Variants in SLF2 observed in about 807,000 individuals in gnomAD.
The protein encoded by SLF2 is SMC5/6 complex localization factor 2.
A neutral mutation model predicts 124.3 loss-of-function variants in SLF2; 68 were observed. The ratio of observed to expected loss-of-function variants is 0.55; its 90% CI spans 0.45 to 0.67. The LOEUF is 0.67. Among genes scored for constraint, SLF2 ranks in the 30% least tolerant of loss-of-function variants. The pLI is 0.00. For missense variants in SLF2, 1,246 were observed against 1,373.7 expected (o/e 0.91, Z 1.47); for synonymous variants, 480 against 478.8 (o/e 1.00, Z -0.03).
chr10:100,958,078 T>C (rs1266496040), intron 18 of SLF2, among the ~76,000 whole-genome samples: 2 of 152,010 alleles, frequency 1.3e-5, no homozygotes, highest in Admixed American at 6.6e-5. Context: ...TAAAACAAAA[T>C]AAAATAAACA....
intron 6 of SLF2, among the ~76,000 whole-genome samples, chr10:100,927,067 G>C (rs1849628787): frequency 7.1e-6 from 1 of 140,352 alleles, no homozygotes; most frequent in African/African-American, 2.5e-5. Context: ...GAAAGCATGG[G>C]TAGAATTTTT....
intron 19 of SLF2, among the ~76,000 whole-genome samples, chr10:100,961,310 G>A (rs561692628): frequency 1.3e-5 from 2 of 152,162 alleles, no homozygotes; most frequent in South Asian, 2.1e-4. Context: ...GCGCCTGGCT[G>A]ATATTCTGTA....
intron 4 of SLF2, among the ~76,000 whole-genome samples, chr10:100,922,177 C>T (rs927692902): frequency 2.0e-5 from 3 of 152,164 alleles, no homozygotes; most frequent in African/African-American, 4.8e-5. Context: ...TCACGGGGCT[C>T]AAGCAGTCCT....
rs1849911150 is a variant in SLF2 at position 100,938,680 on chromosome 10, T to C, written c.2598T>C (p.Phe866=). Residue 866 remains phenylalanine (F), a synonymous_variant, in exon 11 of 20, where the codon TTT becomes TTC. Transcript: ENST00000238961. ...AAVFFNMGID[F]RSLFPLENLQ... ...TGTTTTTCAATATGGGGATTGATTT[T>C]AGATCTTTGTTTCCCCTGGAGAATC... 6.2e-7 allele frequency: 1 copy of C among 1,613,682 alleles called. No homozygotes were observed. Among genetic ancestry groups the C allele is most frequent in the Non-Finnish European group, 8.5e-7 (1 of 1,179,910 alleles).
At chr10:100,937,699 C>T (rs1849893307) in intron 10 of SLF2, among the ~76,000 whole-genome samples, 1 of 152,020 alleles carries the variant, frequency 6.6e-6, no homozygotes, top group South Asian at 2.1e-4. Flanking sequence ...ACTTCCACCT[C>T]CCTGGTTCAA....
chr10:100,947,632 G>A (rs538513778), intron 14 of SLF2, 128 bp from the exon 15 acceptor site: 1 of 609,384 alleles, frequency 1.6e-6, no homozygotes, highest in Non-Finnish European at 2.9e-6. Flanking sequence ...ATATGTTCCT[G>A]TACAGACTTC....
In SLF2 at chr10:100,924,480, T is replaced by C. The variant is rs145161868; in HGVS notation, c.1479T>C (p.Asn493=). ...CTCTAGTACCATTAAATGCTAAAAA[T>C]TGTGCTCTTCCAGTTTCTAAAAAAG... ...GSSLVPLNAK[N]CALPVSKKDK... Residue 493 remains asparagine, a synonymous_variant, in exon 5 of 20, where the codon AAT becomes AAC. Coordinates refer to ENST00000238961, the MANE Select transcript of SLF2 (RefSeq NM_018121.4). 12 of 1,614,146 alleles carry C rather than the reference T, an allele frequency of 7.4e-6. No individual in the cohort carries two copies. Among genetic ancestry groups the C allele is most frequent in the Non-Finnish European group, 1.0e-5 (12 of 1,180,016 alleles).
chr10:100,915,174 T>C (rs886259336), intron 1 of SLF2, among the ~76,000 whole-genome samples: 1 of 152,172 alleles, frequency 6.6e-6, no homozygotes, highest in Admixed American at 6.5e-5. Context: ...TTCTTAAAAA[T>C]TAATTTGGTT....
intron 1 of SLF2, among the ~76,000 whole-genome samples, chr10:100,914,942 T>C (rs1414131555): frequency 2.0e-5 from 3 of 152,238 alleles, no homozygotes; most frequent in Admixed American, 6.5e-5. Flanking sequence ...TATAGCTTAT[T>C]CTCTTTCAGT....
intron 17 of SLF2, among the ~76,000 whole-genome samples, chr10:100,954,788 A>G (rs1222955156): frequency 6.6e-6 from 1 of 152,158 alleles, no homozygotes. Context: ...ACAAAAAAAC[A>G]AAAACTAGCT....
At position 100,934,852 on chromosome 10, in the gene SLF2, C is replaced by T. The variant is rs541998235; in HGVS notation, c.2437-2550C>T. 1.1e-4 allele frequency among the ~76,000 whole-genome samples: 16 copies of T among 151,276 alleles called. No individual in the cohort carries two copies. The South Asian group carries it at 3.3e-3, about 32-fold the overall frequency. Reference sequence around the variant, plus strand: ...GGCCAGGCTGCTCTCGAACTCCTGACCTCGAGTGATCTGCCTGCCTCGGCC... The same window carrying T: ...GGCCAGGCTGCTCTCGAACTCCTGATCTCGAGTGATCTGCCTGCCTCGGCC... On this transcript the variant is annotated intron_variant, in intron 9 of 19. Coordinates refer to ENST00000238961, the MANE Select transcript of SLF2 (RefSeq NM_018121.4).
In SLF2 at chr10:100,924,096, T is replaced by C; in HGVS notation, c.1095T>C (p.Pro365=). 3 of 1,613,582 alleles carry C rather than the reference T, an allele frequency of 1.9e-6. No homozygotes were observed. The highest frequency in any genetic ancestry group is 2.5e-6 in the Non-Finnish European group (3 of 1,179,896). ...KARESFLEKR[P]DGPHQKEKFI... ...GAGAGTCCTTCCTTGAGAAGCGTCC[T>C]GATGGACCACATCAGAAAGAAAAAT... Residue 365 remains proline (P), a synonymous_variant, in exon 5 of 20, where the codon CCT becomes CCC. Coordinates refer to ENST00000238961, the MANE Select transcript of SLF2 (RefSeq NM_018121.4).
chr10:100,930,430 C>CT (rs1318346594), intron 8 of SLF2, among the ~76,000 whole-genome samples: 2 of 152,170 alleles, frequency 1.3e-5, no homozygotes, highest in East Asian at 3.8e-4. Context: ...TTCCCACACA[C>CT]TAAGTTAGTT....
chr10:100,955,425 A>G (rs1426951497), intron 17 of SLF2, among the ~76,000 whole-genome samples: 1 of 152,122 alleles, frequency 6.6e-6, no homozygotes, highest in East Asian at 1.9e-4. Flanking sequence ...CAGCAGTATA[A>G]TACATTCATA....
chr10:100,945,011 C>T (rs1850075877), intron 12 of SLF2, among the ~76,000 whole-genome samples: 1 of 151,290 alleles, frequency 6.6e-6, no homozygotes, highest in Non-Finnish European at 1.5e-5. Flanking sequence ...GCCTGGGCGA[C>T]AGAGTGAGAC....
At position 100,917,310 on chromosome 10, in the gene SLF2, A is replaced by G. The variant is rs1463575356; in HGVS notation, c.915+10A>G. On this transcript the variant is annotated intron_variant, in intron 3 of 19. Coordinates refer to ENST00000238961, the MANE Select transcript of SLF2 (RefSeq NM_018121.4). ...TAATCTGTCAAATGTGGTATGTGTA[A>G]GAATTATTGAATTAGCATTGCTACT... 1 of 1,586,768 alleles carries G rather than the reference A, an allele frequency of 6.3e-7. No individual in the cohort carries two copies. Among genetic ancestry groups the G allele is most frequent in the Non-Finnish European group, 8.5e-7 (1 of 1,169,654 alleles).
Position 100,917,084 on chromosome 10 carries a change from A to G in SLF2, c.699A>G (p.Gly233=), listed in dbSNP as rs770823757. 8 of 1,614,202 alleles carry G rather than the reference A, an allele frequency of 5.0e-6. No individual in the cohort carries two copies. The highest frequency in any genetic ancestry group is 5.9e-6 in the Non-Finnish European group (7 of 1,180,026). ...ACCACCCGGAAGAAAGCCCACTGGG[A>G]GCTAAATTCCAGTTGTCACTAGCTT... ...SRHHPEESPL[G]AKFQLSLASY... is the part of the protein sequence containing the mutation. The change falls in exon 3 of 20, where the codon GGA becomes GGG. Residue 233 remains glycine (G), a synonymous_variant. Coordinates refer to ENST00000238961, the MANE Select transcript of SLF2 (RefSeq NM_018121.4).
At chr10:100,913,698 C>A in intron 1 of SLF2, 1 of 998,006 alleles carries the variant, frequency 1.0e-6, no homozygotes, top group Non-Finnish European at 1.2e-6. Flanking sequence ...ACTTTGTAGT[C>A]CAGCGTGCAC....
Position 100,964,708 on chromosome 10 carries a change from A to G in SLF2, c.*2796A>G, listed in dbSNP as rs1850479861. ...CATTTTTATTTTTATCAAAACAAAT[A>G]TAATTGGTGGGGACTGGCCAGTAAT... On this transcript the variant is annotated 3_prime_UTR_variant, in exon 20 of 20. Transcript: ENST00000238961. The G allele has an allele frequency of 6.6e-6, 1 of 152,532 alleles. No homozygotes were observed. Among genetic ancestry groups the G allele is most frequent in the African/African-American group, 2.4e-5 (1 of 41,464 alleles). 9.4% of individuals were successfully genotyped at this position (152,532 alleles called of 1,614,324 possible).
Sources: gnomAD v4.1 joint callset for allele counts (sites outside exome capture counted in the v4.1 genomes callset) on GRCh38, gnomAD v4.1.1 for gene constraint, MANE v1.5 for transcripts, NCBI Gene and HGNC (gene_info 2026-07-23, HGNC 2026-07-21) for gene names.